Variants in POLR2B observed in about 807,000 individuals in gnomAD.
POLR2B encodes DNA-directed RNA polymerase II subunit RPB2.
A neutral mutation model predicts 144.6 loss-of-function variants in POLR2B; 57 were observed. The observed-to-expected ratio is 0.39, with a 90% CI of 0.32 to 0.49. The LOEUF (loss-of-function observed/expected upper bound fraction) is 0.49, where lower values mean the gene tolerates loss of function less well. Among genes scored for constraint, POLR2B ranks in the 20% least tolerant of loss-of-function variants. The pLI is 0.83. For missense variants in POLR2B, 595 were observed against 1,467.4 expected (o/e 0.41, Z 9.71); for synonymous variants, 442 against 469.8 (o/e 0.94, Z 0.77).
At chr4:56,985,389 C>T (rs972835444) in intron 1 of POLR2B, 6 of 985,158 alleles carry the variant, frequency 6.1e-6, no homozygotes, top group Non-Finnish European at 7.2e-6. Flanking sequence ...GCGGCGGGCT[C>T]GGTGCTGTGG....
At chr4:56,990,978 G>A in intron 3 of POLR2B, 80 bp downstream of exon 3, 3 of 1,273,122 alleles carry the variant, frequency 2.4e-6, no homozygotes, top group Non-Finnish European at 3.2e-6. Flanking sequence ...CTGGCTTAAA[G>A]GTTAAAAAAA....
intron 7 of POLR2B, chr4:57,002,636 C>G (rs1005826038): frequency 2.6e-5 from 4 of 152,098 alleles, no homozygotes; most frequent in South Asian, 4.1e-4. Context: ...TTGACATGGC[C>G]TTTTTCTGAT....
chr4:57,000,005 G>A (rs1043802353), intron 7 of POLR2B, among the ~76,000 whole-genome samples: 1 of 152,226 alleles, frequency 6.6e-6, no homozygotes, highest in East Asian at 1.9e-4. Flanking sequence ...TGGAGTTAAT[G>A]ACAGCAGCAA....
At chr4:56,989,941 GCT>G (rs1305896803) in intron 2 of POLR2B, among the ~76,000 whole-genome samples, 3 of 152,074 alleles carry the variant, frequency 2.0e-5, no homozygotes. Flanking sequence ...TTAGATTGCA[GCT>G]CTCTCAGCCA....
intron 7 of POLR2B, 104 bp from the exon 8 acceptor site, chr4:57,005,142 A>G (rs907896645): frequency 3.7e-6 from 2 of 544,076 alleles, no homozygotes; most frequent in Non-Finnish European, 6.1e-6. Flanking sequence ...ATATTTTATT[A>G]TGTTCATAGG....
intron 1 of POLR2B, chr4:56,985,417 TC>T (rs1051122447): frequency 5.1e-6 from 5 of 983,888 alleles, no homozygotes; most frequent in South Asian, 4.7e-5. Context: ...GGGATGGCAC[TC>T]CCCCCCGCCG....
chr4:57,019,138 C>G (rs1723459777), intron 16 of POLR2B, among the ~76,000 whole-genome samples: 1 of 152,192 alleles, frequency 6.6e-6, no homozygotes, highest in African/African-American at 2.4e-5. Context: ...AAAGCAAAAT[C>G]TGTTAGGTTG....
intron 1 of POLR2B, among the ~76,000 whole-genome samples, chr4:56,979,754 C>G (rs1722095759): frequency 6.6e-6 from 1 of 152,060 alleles, no homozygotes; most frequent in Admixed American, 6.6e-5. Context: ...CAAAAATTAG[C>G]CTAGTGTGAT....
At chr4:56,997,734 G>A (rs1722733209) in intron 6 of POLR2B, among the ~76,000 whole-genome samples, 2 of 152,230 alleles carry the variant, frequency 1.3e-5, no homozygotes, top group South Asian at 4.1e-4. Context: ...TGAGTGACAA[G>A]TAGATGATCA....
intron 23 of POLR2B, among the ~76,000 whole-genome samples, chr4:57,027,720 G>C (rs1480006019): frequency 2.6e-5 from 4 of 152,182 alleles, no homozygotes; most frequent in African/African-American, 9.6e-5. Flanking sequence ...ATTTATGTTT[G>C]AAGTTCATTG....
intron 6 of POLR2B, among the ~76,000 whole-genome samples, chr4:56,998,478 T>C (rs2109669123): frequency 6.6e-6 from 1 of 152,038 alleles, no homozygotes; most frequent in South Asian, 2.1e-4. Context: ...ATTACAGGCA[T>C]GTGAGCCACT....
intron 1 of POLR2B, among the ~76,000 whole-genome samples, chr4:56,979,763 A>G (rs1722095960): frequency 6.6e-6 from 1 of 152,012 alleles, no homozygotes; most frequent in African/African-American, 2.4e-5. Context: ...GCCTAGTGTG[A>G]TGGCGTGCGC....
Position 57,023,172 on chromosome 4 carries a change from G to A in POLR2B, c.2516-158G>A, listed in dbSNP as rs1301632798. On this transcript the variant is annotated intron_variant, in intron 18 of 24. Transcript: ENST00000314595. This position sits in a 1 kb window ranked among gnomAD's most constrained non-coding sequence, Gnocchi z 4.3. The stretch of plus-strand genomic sequence containing the variant: ...TTTTTTGTTTTCTGTGTGGGCTGTA[G>A]TATTAGAGTTCAGAATAGTTTGTAA... 5 of 654,612 alleles carry A rather than the reference G, an allele frequency of 7.6e-6. No individual in the cohort carries two copies. Among genetic ancestry groups the A allele is most frequent in the Admixed American group, 6.0e-5 (2 of 33,272 alleles). 40.6% of individuals were successfully genotyped at this position (654,612 alleles called of 1,614,324 possible). A position where few individuals can be genotyped will look rare whatever the true frequency, so the allele number is the denominator to read the frequency against.
At chr4:57,028,506 CTATT>C (rs1452844316) in intron 23 of POLR2B, among the ~76,000 whole-genome samples, 1 of 152,080 alleles carries the variant, frequency 6.6e-6, no homozygotes, top group East Asian at 1.9e-4. Context: ...TTTAATAAAA[CTATT>C]TATTTTCACT....
intron 13 of POLR2B, among the ~76,000 whole-genome samples, chr4:57,013,755 G>C (rs1458366476): frequency 6.6e-6 from 1 of 152,030 alleles, no homozygotes; most frequent in Non-Finnish European, 1.5e-5. Context: ...GTTGTAATGA[G>C]AACCAATCGT....
At chr4:56,995,701 A>G (rs41549016) in intron 6 of POLR2B, among the ~76,000 whole-genome samples, 110 of 152,146 alleles carry the variant, frequency 7.2e-4, no homozygotes, top group Non-Finnish European at 1.3e-3. Flanking sequence ...AGTCATTCCC[A>G]TGGTTGTCTG....
At chr4:57,025,071 A>G (rs2109719716) in intron 22 of POLR2B, 72 bp downstream of exon 22, 1 of 785,916 alleles carries the variant, frequency 1.3e-6, no homozygotes, top group Non-Finnish European at 2.2e-6. Context: ...TTCTGAAACA[A>G]TGTAACCTTT....
chr4:57,015,612 G>A lies in POLR2B; in HGVS notation c.1911G>A (p.Lys637=), dbSNP rs773908358. ...AAAAACAAAAGCTACTTTTGAAGAA[G>A]AGGCATATTGACCAATTGAAAGAGA... is the stretch of plus-strand genomic sequence containing the variant. ...IVEKQKLLLK[K]RHIDQLKERE... The change falls in exon 14 of 25, where the codon AAG becomes AAA. Residue 637 remains lysine, a synonymous_variant. Transcript: ENST00000314595. The A allele has an allele frequency of 3.3e-6, 5 of 1,511,222 alleles. No individual in the cohort carries two copies. Among genetic ancestry groups the A allele is most frequent in the South Asian group, 1.4e-5 (1 of 72,926 alleles). 93.6% of individuals were successfully genotyped at this position (1,511,222 alleles called of 1,614,324 possible).
In POLR2B at chr4:56,992,529, A is replaced by T. The variant is rs546695799; in HGVS notation, c.243+1631A>T. ...ACTTGGTGTATTTAGGCTGGGGACC[A>T]CAATGATCAGTATGTGATTTTGGCT... On this transcript the variant is annotated intron_variant, in intron 3 of 24. Coordinates refer to ENST00000314595, the MANE Select transcript of POLR2B (RefSeq NM_000938.3). Among the ~76,000 whole-genome samples the T allele has an allele frequency of 9.0e-5, 13 of 143,652 alleles. No homozygotes were observed. The East Asian group carries it at 2.0e-3, about 22-fold the overall frequency. 94.2% of individuals were successfully genotyped at this position (143,652 alleles called of 152,430 possible).
Sources: allele counts gnomAD v4.1 joint callset (sites outside exome capture counted in the v4.1 genomes callset), GRCh38; gene constraint gnomAD v4.1.1; non-coding constraint Gnocchi (gnomAD v3.1); transcripts MANE v1.5; gene names NCBI Gene and HGNC (gene_info 2026-07-23, HGNC 2026-07-21).